The following MTA3 variants were observed in gnomAD, a reference collection of about 807,000 sequenced individuals.
MTA3 encodes the protein metastasis-associated protein MTA3.
In MTA3, 34 loss-of-function variants were observed where a neutral mutation model predicts 83.5. The observed-to-expected ratio is 0.41, with a 90% CI of 0.31 to 0.54. MTA3 has a LOEUF of 0.54. MTA3 is among the 20% of genes least tolerant of loss of function. The pLI is 0.33. For synonymous variants in MTA3, 303 were observed against 252.7 expected, an observed-to-expected ratio of 1.20 and a Z score of -1.89; for missense variants, 761 against 726.4, an observed-to-expected ratio of 1.05 and a Z score of -0.55.
chr2:42,664,627 G>A (rs928551670), intron 8 of MTA3, among the ~76,000 whole-genome samples: 3 of 151,778 alleles, frequency 2.0e-5, no homozygotes, highest in Non-Finnish European at 4.4e-5. Context: ...GATTACAGGC[G>A]TCCGCCACCA....
intron 2 of MTA3, among the ~76,000 whole-genome samples, chr2:42,531,213 T>C (rs1675949240): frequency 6.6e-6 from 1 of 152,138 alleles, no homozygotes; most frequent in African/African-American, 2.4e-5. Flanking sequence ...CACCTTTACC[T>C]TGGGACCTCA....
chr2:42,553,956 G>A (rs1472619837), intron 2 of MTA3, among the ~76,000 whole-genome samples: 9 of 150,912 alleles, frequency 6.0e-5, no homozygotes, highest in South Asian at 2.1e-4. Context: ...AGTTATCAGC[G>A]GGCATGGTGG....
At chr2:42,579,902 T>A (rs561970279) in intron 3 of MTA3, among the ~76,000 whole-genome samples, 2 of 152,184 alleles carry the variant, frequency 1.3e-5, no homozygotes, top group East Asian at 3.9e-4. Context: ...CTTCACTGTT[T>A]CGGAGGATGT....
At position 42,703,993 on chromosome 2, in the gene MTA3, C is replaced by T. The variant is rs570571118; in HGVS notation, c.1026-201C>T. 6.8e-4 allele frequency: 355 copies of T among 520,784 alleles called. 1 individual carries two copies. Among genetic ancestry groups the T allele is most frequent in the Middle Eastern group, 1.1e-3 (2 of 1,798 alleles). 32.3% of individuals were successfully genotyped at this position (520,784 alleles called of 1,614,324 possible). A position where few individuals can be genotyped will look rare whatever the true frequency, so the allele number is the denominator to read the frequency against. ...TCGTGAATGTCAGGCATAAGCAATT[C>T]CTTTTTTCATAGACTCGTTTTATAA... On this transcript the variant is annotated intron_variant, in intron 11 of 16. Coordinates refer to ENST00000405094, the MANE Select transcript of MTA3 (RefSeq NM_001330442.2).
intron 7 of MTA3, 188 bp from the exon 8 acceptor site, chr2:42,659,575 T>TGA (rs1488829029): frequency 3.4e-6 from 1 of 291,430 alleles, no homozygotes; most frequent in African/African-American, 2.2e-5. Flanking sequence ...GTAAATTGGC[T>TGA]TGTCAATTAT....
intron 2 of MTA3, among the ~76,000 whole-genome samples, chr2:42,496,092 G>A (rs1485818408): frequency 6.6e-6 from 1 of 152,152 alleles, no homozygotes; most frequent in African/African-American, 2.4e-5. Context: ...TTATTGTAGG[G>A]TTTATTTCCT....
At chr2:42,733,080 C>T (rs553253006) in intron 16 of MTA3, among the ~76,000 whole-genome samples, 1 of 152,352 alleles carries the variant, frequency 6.6e-6, no homozygotes, top group Admixed American at 6.5e-5. Flanking sequence ...TACAAAGTCG[C>T]TTCCACATTT....
Position 42,730,250 on chromosome 2 carries a change from C to T in MTA3, c.1759+7215C>T, listed in dbSNP as rs190757004. Among the ~76,000 whole-genome samples, 21 of 152,200 alleles carry T rather than the reference C, an allele frequency of 1.4e-4. No individual in the cohort carries two copies. The East Asian group carries it at 3.9e-3, about 28-fold the overall frequency. On this transcript the variant is annotated intron_variant, in intron 16 of 16. Transcript: ENST00000405094. ...TGCTGTAGCTAGAACTTCCAGTACT[C>T]TGTTAAATAACAGTGGTGAAACTGG...
At chr2:42,594,486 A>T (rs1055213808) in intron 3 of MTA3, among the ~76,000 whole-genome samples, 1 of 149,356 alleles carries the variant, frequency 6.7e-6, no homozygotes, top group Non-Finnish European at 1.5e-5. Context: ...GATCCACCCA[A>T]CTCGGACTCC....
Position 42,754,157 on chromosome 2 carries a change from A to C in MTA3, c.*758A>C. 1 of 985,450 alleles carries C rather than the reference A, an allele frequency of 1.0e-6. No homozygotes were observed. Among genetic ancestry groups the C allele is most frequent in the Non-Finnish European group, 1.2e-6 (1 of 829,946 alleles). The allele number at this position is 985,450 out of a possible 1,614,324, so 61.0% of individuals were successfully genotyped here. On this transcript the variant is annotated 3_prime_UTR_variant, in exon 17 of 17. Transcript: ENST00000405094. ...ACAGCTCCAGCAAGAGCAGTTGTTA[A>C]AAGTGCCAAGCGTGTGTATCACTGT...
intron 4 of MTA3, among the ~76,000 whole-genome samples, chr2:42,637,128 A>G (rs1218133608): frequency 6.6e-6 from 1 of 152,222 alleles, no homozygotes; most frequent in Admixed American, 6.5e-5. Flanking sequence ...TTTGTGTCCC[A>G]GCACCCTGCG....
chr2:42,647,889 A>G (rs754382576), intron 6 of MTA3, among the ~76,000 whole-genome samples: 10 of 152,220 alleles, frequency 6.6e-5, no homozygotes, highest in Non-Finnish European at 1.3e-4. Flanking sequence ...CCCAGGCTGG[A>G]GTGCGGTGGC....
intron 3 of MTA3, among the ~76,000 whole-genome samples, chr2:42,586,557 AACACACACACACACACACACACACACAC>A (rs68029790): frequency 0.65 from 81,912 of 125,976 alleles, 26,469 homozygotes; most frequent in South Asian, 0.78. Flanking sequence ...AAGGAAGGAA[AACACACACACACACACACACACACACAC>A]ACACACACAC....
At chr2:42,547,067 T>C (rs954860252) in intron 2 of MTA3, among the ~76,000 whole-genome samples, 3 of 152,176 alleles carry the variant, frequency 2.0e-5, no homozygotes, top group African/African-American at 7.2e-5. Context: ...CTACAGTCTA[T>C]GGAGGAACTT....
chr2:42,626,554 C>A (rs531963893), intron 4 of MTA3, among the ~76,000 whole-genome samples: 1 of 151,924 alleles, frequency 6.6e-6, no homozygotes, highest in South Asian at 2.1e-4. Flanking sequence ...CCTCGGCCCC[C>A]CAAAGTGCTG....
At chr2:42,638,705 AT>A (rs11367464) in intron 4 of MTA3, among the ~76,000 whole-genome samples, 65,305 of 145,354 alleles carry the variant, frequency 0.45, 14,933 homozygotes, top group African/African-American at 0.58. Context: ...AGTGATGTTA[AT>A]TTTTTTTTTT....
intron 16 of MTA3, among the ~76,000 whole-genome samples, chr2:42,751,850 C>T (rs1669895295): frequency 6.6e-6 from 1 of 152,158 alleles, no homozygotes; most frequent in Non-Finnish European, 1.5e-5. Flanking sequence ...GAGAGTGGCT[C>T]CTAGGAGACG....
chr2:42,711,775 A>AGTGTGTTTGTGT (rs372997456), intron 14 of MTA3, among the ~76,000 whole-genome samples: 1 of 139,410 alleles, frequency 7.2e-6, no homozygotes, highest in South Asian at 2.5e-4. Context: ...TGTATAGGAG[A>AGTGTGTTTGTGT]GAGAGAGAGT....
At chr2:42,506,579 G>A (rs1375586624) in intron 2 of MTA3, among the ~76,000 whole-genome samples, 1 of 151,842 alleles carries the variant, frequency 6.6e-6, no homozygotes, top group Non-Finnish European at 1.5e-5. Context: ...AAAATAGAGA[G>A]GTGTAGGCGG....
Sources: gnomAD v4.1 joint callset for allele counts (sites outside exome capture counted in the v4.1 genomes callset) on GRCh38, gnomAD v4.1.1 for gene constraint, MANE v1.5 for transcripts, NCBI Gene and HGNC (gene_info 2026-07-23, HGNC 2026-07-21) for gene names.